HOOK2: variants seen among roughly 807,000 people sequenced by gnomAD.
HOOK2 encodes the protein protein Hook homolog 2.
Under a neutral mutation model 111.9 loss-of-function variants are expected in HOOK2, and 108 were observed. The observed-to-expected ratio is 0.96, with a 90% CI of 0.83 to 1.13. HOOK2 has a LOEUF of 1.13. Among genes scored for constraint, HOOK2 ranks in the 50% most tolerant of loss-of-function variants. The pLI, the probability that HOOK2 is intolerant of heterozygous loss-of-function variation, is 0.00. For synonymous variants in HOOK2, 405 were observed against 394.3 expected (o/e 1.03, Z -0.32); for missense variants, 978 against 951.3 (o/e 1.03, Z -0.37).
upstream of HOOK2, among the ~76,000 whole-genome samples, chr19:12,782,860 G>T (rs1968619575): frequency 6.7e-6 from 1 of 149,580 alleles, no homozygotes; most frequent in African/African-American, 2.5e-5. Flanking sequence ...CCTGTTGGGG[G>T]AGGGACCTTT....
chr19:12,765,940 C>T lies in HOOK2; in HGVS notation c.1586G>A (p.Gly529Asp), dbSNP rs1439438588. 6.2e-7 allele frequency: 1 copy of T among 1,613,918 alleles called. No individual in the cohort carries two copies. Among genetic ancestry groups the T allele is most frequent in the East Asian group, 2.2e-5 (1 of 44,878 alleles). Residue 529 changes from glycine (G) to aspartate (D), a missense_variant, in exon 16 of 23, where the codon GGC becomes GAC. By Grantham distance (94) the Gly-to-Asp change is moderately conservative (BLOSUM62 -1). Transcript: ENST00000397668. Reference protein sequence around the residue: ...DLQKALQEQGGKTEDAISILL... With the variant: ...DLQKALQEQGDKTEDAISILL... ...GGTGACACTCACATCTTCAGTCTTG[C>T]CCCCCTGCTCCTGCAGGGCTTTCTG...
At position 12,766,129 on chromosome 19, in the gene HOOK2, C is replaced by T. The variant is rs761455625; in HGVS notation, c.1485G>A (p.Ala495=). 14 of 1,601,690 alleles carry T rather than the reference C, an allele frequency of 8.7e-6. No individual in the cohort carries two copies. In the East Asian group the frequency reaches 2.5e-4, roughly 28 times the overall value. The change falls in exon 15 of 23, where the codon GCG becomes GCA. Residue 495 remains alanine (A), a synonymous_variant. Coordinates refer to ENST00000397668, the MANE Select transcript of HOOK2 (RefSeq NM_013312.3). The stretch of plus-strand genomic sequence containing the variant: ...GGTGCTGCGTCTCCAACCCGTGGCG[C>T]GCGCGGTTGGCATCCTCCAGGTGGC... ...LQRHLEDANR[A]RHGLETQHRL...
chr19:12,785,937 A>G (rs1968651373), intron 3 of HOOK2, among the ~76,000 whole-genome samples: 1 of 151,858 alleles, frequency 6.6e-6, no homozygotes, highest in Admixed American at 6.6e-5. Flanking sequence ...GCCTGCTATA[A>G]AGAGGTCACC....
chr19:12,788,415 T>A (rs1968675667), intron 3 of HOOK2, among the ~76,000 whole-genome samples: 1 of 152,140 alleles, frequency 6.6e-6, no homozygotes, highest in Admixed American at 6.5e-5. Flanking sequence ...AAATAATAAT[T>A]ATTATTTCTC....
chr19:12,787,997 G>A (rs8107810), intron 3 of HOOK2, among the ~76,000 whole-genome samples: 18,671 of 152,152 alleles, frequency 0.12, 2,414 homozygotes, highest in African/African-American at 0.33. Flanking sequence ...GGAGGTTGCA[G>A]TGAGCCAACA....
chr19:12,765,681 G>A lies in HOOK2; in HGVS notation c.1640+9C>T. 6.2e-7 allele frequency: 1 copy of A among 1,614,128 alleles called. No homozygotes were observed. Among genetic ancestry groups the A allele is most frequent in the Non-Finnish European group, 8.5e-7 (1 of 1,180,006 alleles). ...CCCCCACGAGGAGTTCCCTCTTTCTGCGACTTACAAATGTTCCTCCAGCTT... is the reference window on the plus strand; with the variant it reads ...CCCCCACGAGGAGTTCCCTCTTTCTACGACTTACAAATGTTCCTCCAGCTT... On this transcript the variant is annotated intron_variant, in intron 18 of 22. Transcript: ENST00000397668.
chr19:12,773,312 C>A (rs1192888402), intron 3 of HOOK2: 2 of 430,414 alleles, frequency 4.6e-6, no homozygotes, highest in Non-Finnish European at 8.4e-6. Context: ...TGCAGTGGTG[C>A]AATCTTGGCT....
At chr19:12,765,114 C>T in intron 18 of HOOK2, 33 bp from the exon 19 acceptor site, 2 of 1,609,694 alleles carry the variant, frequency 1.2e-6, no homozygotes, top group Non-Finnish European at 1.7e-6. Flanking sequence ...AGTGGGCTGA[C>T]CTCCGGGCTG....
In HOOK2 at chr19:12,765,090, C is replaced by T. The variant is rs778656930; in HGVS notation, c.1641-9G>A. On this transcript the variant is annotated splice_polypyrimidine_tract_variant and intron_variant, in intron 18 of 22. Transcript: ENST00000397668. ...CCTCATGAAGCTTCTGCCTGTGGGC[C>T]GGGGATGAGCAGCAGTGGGCTGACC... 6 of 1,613,876 alleles carry T rather than the reference C, an allele frequency of 3.7e-6. No homozygotes were observed. The highest frequency in any genetic ancestry group is 5.1e-6 in the Non-Finnish European group (6 of 1,179,970).
rs1199875948 is a variant in HOOK2, at chr19:12,790,828, A to C, written n.42-16603T>G. On this transcript the variant is annotated intron_variant and non_coding_transcript_variant, in intron 3 of 3. Transcript: ENST00000589765. The surrounding 1 kb of genome is among the most constrained non-coding windows in gnomAD (Gnocchi z 7.2). ...TCCTTCCCGCTTACGGGAGAGCCTC[A>C]GACTCTGGACTCAGCTCCCATGAGC... Among the ~76,000 whole-genome samples, 1 of 152,128 alleles carries C rather than the reference A, an allele frequency of 6.6e-6. No individual in the cohort carries two copies. Among genetic ancestry groups the C allele is most frequent in the Admixed American group, 6.5e-5 (1 of 15,276 alleles).
chr19:12,763,443 G>A lies in HOOK2; in HGVS notation c.2011-12C>T. Reference sequence around the variant, plus strand: ...TGCAAGGCCATGCCCTTCAGGAGGAGGTGTGGTTGGGGTCAGGTGAGCTCA... The same window carrying A: ...TGCAAGGCCATGCCCTTCAGGAGGAAGTGTGGTTGGGGTCAGGTGAGCTCA... On this transcript the variant is annotated splice_polypyrimidine_tract_variant and intron_variant, in intron 22 of 22. Transcript: ENST00000397668. 1.2e-6 allele frequency: 2 copies of A among 1,613,606 alleles called. No homozygotes were observed. Among genetic ancestry groups the A allele is most frequent in the Non-Finnish European group, 1.7e-6 (2 of 1,179,750 alleles).
chr19:12,770,275 G>A (rs768414712), intron 10 of HOOK2, among the ~76,000 whole-genome samples, 193 bp from the exon 11 acceptor site: 3 of 152,006 alleles, frequency 2.0e-5, no homozygotes, highest in Non-Finnish European at 4.4e-5. Flanking sequence ...GCAATGGTTA[G>A]CCCAGGGTTA....
chr19:12,775,110 G>T, intron 1 of HOOK2: 1 of 884,532 alleles, frequency 1.1e-6, no homozygotes, highest in Non-Finnish European at 1.4e-6. Flanking sequence ...GCGCGTCCAG[G>T]CCAGGGTGGT....
intron 14 of HOOK2, 90 bp downstream of exon 14, chr19:12,767,305 G>A: frequency 1.8e-6 from 2 of 1,114,914 alleles, no homozygotes; most frequent in East Asian, 2.4e-5. Flanking sequence ...AGCAACCGGG[G>A]CTAGCAGAAG....
Position 12,774,656 on chromosome 19 carries a change from G to C in HOOK2, c.204+13C>G. 6.2e-7 allele frequency: 1 copy of C among 1,613,760 alleles called. No homozygotes were observed. Among genetic ancestry groups the C allele is most frequent in the Non-Finnish European group, 8.5e-7 (1 of 1,179,650 alleles). ...TCACCAGTCTGTCCTCTAATCAGGA[G>C]TCCACTTGTCACCTTCAGCTTCCAG... On this transcript the variant is annotated intron_variant, in intron 3 of 22. Coordinates refer to ENST00000397668, the MANE Select transcript of HOOK2 (RefSeq NM_013312.3).
rs748929191 is a variant in HOOK2 at position 12,774,753 on chromosome 19, A to G, written c.132-12T>C. On this transcript the variant is annotated splice_polypyrimidine_tract_variant and intron_variant, in intron 2 of 22. Coordinates refer to ENST00000397668, the MANE Select transcript of HOOK2 (RefSeq NM_013312.3). ...ACCAGGAGGGGTCTCTGGGGGCGAGAAGGTGGGATGAGCAGACTGGGGGAC... is the reference window on the plus strand; with the variant it reads ...ACCAGGAGGGGTCTCTGGGGGCGAGGAGGTGGGATGAGCAGACTGGGGGAC... 1.1e-5 allele frequency: 17 copies of G among 1,613,686 alleles called. No homozygotes were observed. The Admixed American group carries it at 2.5e-4, about 24-fold the overall frequency.
At chr19:12,781,120 G>T (rs1471003390), upstream of HOOK2, among the ~76,000 whole-genome samples, 132 of 147,470 alleles carry the variant, frequency 9.0e-4, no homozygotes, top group Non-Finnish European at 4.3e-4. Context: ...GGCTAACACG[G>T]TGAAACCCCG....
In HOOK2 at chr19:12,791,661, C is replaced by G. The variant is rs1028732061; in HGVS notation, n.42-17436G>C. 1 of 754,708 alleles carries G rather than the reference C, an allele frequency of 1.3e-6. No homozygotes were observed. Among genetic ancestry groups the G allele is most frequent in the Non-Finnish European group, 2.0e-6 (1 of 505,922 alleles). 46.8% of individuals were successfully genotyped at this position (754,708 alleles called of 1,614,324 possible). A position where few individuals can be genotyped will look rare whatever the true frequency, so the allele number is the denominator to read the frequency against. Reference sequence around the variant, plus strand: ...ACCCGCCCGCGCCAGCCCCCGAGAACGCGCGACCAGGCACCCAGTCCGGTC... The same window carrying G: ...ACCCGCCCGCGCCAGCCCCCGAGAAGGCGCGACCAGGCACCCAGTCCGGTC... On this transcript the variant is annotated intron_variant and non_coding_transcript_variant, in intron 3 of 3. Coordinates refer to the HOOK2 transcript ENST00000589765. This position sits in a 1 kb window ranked among gnomAD's most constrained non-coding sequence, Gnocchi z 7.0.
In HOOK2 at chr19:12,774,751, A is replaced by G. The variant is rs547475206; in HGVS notation, c.132-10T>C. 169 of 1,613,878 alleles carry G rather than the reference A, an allele frequency of 1.0e-4. 2 individuals are homozygous for G. In the East Asian group the frequency reaches 2.2e-3, roughly 21 times the overall value. On this transcript the variant is annotated splice_polypyrimidine_tract_variant and intron_variant, in intron 2 of 22. Coordinates refer to ENST00000397668, the MANE Select transcript of HOOK2 (RefSeq NM_013312.3). ...GAACCAGGAGGGGTCTCTGGGGGCG[A>G]GAAGGTGGGATGAGCAGACTGGGGG... is the stretch of plus-strand genomic sequence containing the variant.
Sources: allele counts gnomAD v4.1 joint callset (sites outside exome capture counted in the v4.1 genomes callset), GRCh38; gene constraint gnomAD v4.1.1; non-coding constraint Gnocchi (gnomAD v3.1); transcripts MANE v1.5; gene names NCBI Gene and HGNC (gene_info 2026-07-23, HGNC 2026-07-21).